The following GLG1 variants were observed in gnomAD, a reference collection of about 807,000 sequenced individuals.
GLG1 encodes the protein Golgi apparatus protein 1.
In GLG1, 38 loss-of-function variants were observed where a neutral mutation model predicts 160.5. The ratio of observed to expected loss-of-function variants is 0.24; its 90% CI spans 0.18 to 0.31. The LOEUF (loss-of-function observed/expected upper bound fraction) is 0.31. Ranked by LOEUF, GLG1 falls within the 10% of genes least tolerant of loss-of-function variation. GLG1 has a pLI of 1.00. For missense variants in GLG1, 1,373 were observed against 1,505.2 expected (o/e 0.91, Z 1.45); for synonymous variants, 644 against 543.4 (o/e 1.19, Z -2.57).
At chr16:74,577,062 T>A (rs534146154) in intron 1 of GLG1, among the ~76,000 whole-genome samples, 1 of 152,054 alleles carries the variant, frequency 6.6e-6, no homozygotes, top group Non-Finnish European at 1.5e-5. Flanking sequence ...ACTAGCACCA[T>A]AGGTGCATGC....
intron 1 of GLG1, among the ~76,000 whole-genome samples, chr16:74,538,624 G>A (rs1337187235): frequency 6.6e-6 from 1 of 151,910 alleles, no homozygotes; most frequent in Non-Finnish European, 1.5e-5. Flanking sequence ...TTCCAACAAT[G>A]TTCTGATTCA....
At chr16:74,494,091 C>G (rs2016096965) in intron 6 of GLG1, among the ~76,000 whole-genome samples, 1 of 151,604 alleles carries the variant, frequency 6.6e-6, no homozygotes, top group African/African-American at 2.4e-5. Context: ...AGGAGACTTG[C>G]TTGAACCCGG....
At chr16:74,496,691 T>C (rs956547094) in intron 4 of GLG1, 47 bp from the exon 5 acceptor site, 2 of 1,193,566 alleles carry the variant, frequency 1.7e-6, no homozygotes, top group Non-Finnish European at 2.5e-6. Context: ...ATCACATGGG[T>C]TTCAAATAAA....
chr16:74,523,321 T>A (rs910658160), intron 2 of GLG1, among the ~76,000 whole-genome samples: 1 of 152,178 alleles, frequency 6.6e-6, no homozygotes, highest in Non-Finnish European at 1.5e-5. Context: ...CATTTATGTA[T>A]GAATCTGCTT....
chr16:74,509,646 G>C (rs1399977377), intron 2 of GLG1, among the ~76,000 whole-genome samples: 1 of 151,852 alleles, frequency 6.6e-6, no homozygotes, highest in South Asian at 2.1e-4. Flanking sequence ...TCAGGAGATC[G>C]AGACCATCCT....
At chr16:74,536,388 G>A (rs973130072) in intron 1 of GLG1, among the ~76,000 whole-genome samples, 2 of 152,100 alleles carry the variant, frequency 1.3e-5, no homozygotes, top group Non-Finnish European at 2.9e-5. Context: ...ATGATCCCAA[G>A]AAATTAGCCA....
chr16:74,472,994 C>T (rs1271286338), intron 13 of GLG1: 2 of 154,840 alleles, frequency 1.3e-5, no homozygotes, highest in Non-Finnish European at 2.9e-5. Context: ...TGAGAGAAGG[C>T]AATGAACTTC....
intron 25 of GLG1, chr16:74,456,392 C>T (rs1181409325): frequency 2.4e-6 from 1 of 417,794 alleles, no homozygotes; most frequent in African/African-American, 2.1e-5. Flanking sequence ...GATCTCCTGA[C>T]CTCGTGATCT....
At chr16:74,580,256 G>A (rs1957908633) in intron 1 of GLG1, among the ~76,000 whole-genome samples, 1 of 152,052 alleles carries the variant, frequency 6.6e-6, no homozygotes, top group Non-Finnish European at 1.5e-5. Flanking sequence ...GGCTGAGGTG[G>A]GAGGATTGCT....
At chr16:74,507,228 A>G (rs988105876) in intron 3 of GLG1, among the ~76,000 whole-genome samples, 1 of 152,194 alleles carries the variant, frequency 6.6e-6, no homozygotes, top group Non-Finnish European at 1.5e-5. Flanking sequence ...CAAAACTAGA[A>G]CACCCCAAAA....
intron 18 of GLG1, among the ~76,000 whole-genome samples, chr16:74,467,444 T>C (rs755848440): frequency 5.9e-5 from 9 of 152,170 alleles, no homozygotes; most frequent in Middle Eastern, 3.4e-3. Context: ...GTGCAGAGCA[T>C]TGAGAATGCT....
chr16:74,503,499 C>G (rs775426338), intron 4 of GLG1, 32 bp downstream of exon 4: 1 of 1,387,134 alleles, frequency 7.2e-7, no homozygotes, highest in South Asian at 1.2e-5. Context: ...ATTTTAAGAC[C>G]CCTTTGTTGA....
chr16:74,486,254 G>A (rs745501323), intron 8 of GLG1, among the ~76,000 whole-genome samples: 80 of 152,056 alleles, frequency 5.3e-4, no homozygotes, highest in South Asian at 8.3e-4. Flanking sequence ...TGGTGCTCCC[G>A]GCAAAGCCAG....
chr16:74,532,988 C>T (rs372809706), intron 1 of GLG1, among the ~76,000 whole-genome samples: 1 of 152,138 alleles, frequency 6.6e-6, no homozygotes, highest in South Asian at 2.1e-4. Flanking sequence ...CCTATGGATA[C>T]ATTTGCTTTG....
intron 1 of GLG1, among the ~76,000 whole-genome samples, chr16:74,537,459 C>A (rs1040443979): frequency 1.3e-5 from 2 of 150,472 alleles, no homozygotes; most frequent in African/African-American, 4.9e-5. Flanking sequence ...AGGTACATCA[C>A]TTAACTTCTC....
chr16:74,589,147 C>T (rs189935238), intron 1 of GLG1, among the ~76,000 whole-genome samples: 133 of 151,374 alleles, frequency 8.8e-4, no homozygotes, highest in Non-Finnish European at 1.4e-3. Context: ...CCCAGCTACT[C>T]GAGAGGCTGA....
intron 2 of GLG1, among the ~76,000 whole-genome samples, chr16:74,517,566 A>G (rs1329053804): frequency 6.6e-6 from 1 of 152,230 alleles, no homozygotes; most frequent in Non-Finnish European, 1.5e-5. Context: ...ACTAAGAGCT[A>G]TTTATGACAA....
intron 1 of GLG1, among the ~76,000 whole-genome samples, chr16:74,589,831 G>T (rs1289368801): frequency 6.6e-6 from 1 of 152,108 alleles, no homozygotes; most frequent in African/African-American, 2.4e-5. Context: ...CAGCTGCTCA[G>T]GAGGCTGAGG....
At chr16:74,526,815 T>C (rs947371408) in intron 2 of GLG1, among the ~76,000 whole-genome samples, 2 of 152,246 alleles carry the variant, frequency 1.3e-5, no homozygotes, top group African/African-American at 4.8e-5. Flanking sequence ...CAGAAGATGC[T>C]ACTTGATCAC....
Sources: allele counts gnomAD v4.1 joint callset (sites outside exome capture counted in the v4.1 genomes callset), GRCh38; gene constraint gnomAD v4.1.1; transcripts MANE v1.5; gene names NCBI Gene and HGNC (gene_info 2026-07-23, HGNC 2026-07-21).